The following GRIA2 variants were observed in gnomAD, a reference collection of about 807,000 sequenced individuals.
GRIA2 encodes glutamate receptor 2.
GRIA2 carries 14 observed loss-of-function variants against 97.3 expected under a neutral mutation model. The observed-to-expected ratio is 0.14, with a 90% CI of 0.10 to 0.23. The LOEUF (loss-of-function observed/expected upper bound fraction) is 0.23. Among genes scored for constraint, GRIA2 ranks in the 10% least tolerant of loss-of-function variants. The probability of loss-of-function intolerance (pLI) is 1.00; values close to 1 mark genes in which losing one functional copy is unlikely to be tolerated. For synonymous variants in GRIA2, 412 were observed against 387.8 expected (o/e 1.06, Z -0.73); for missense variants, 558 against 1,069.8 (o/e 0.52, Z 6.67).
chr4:157,362,490 G>A, intron 14 of GRIA2: 1 of 500,488 alleles, frequency 2.0e-6, no homozygotes, highest in Non-Finnish European at 3.9e-6. Context: ...CCACGGTAAT[G>A]GAATATAACT....
At chr4:157,251,725 A>G (rs1332820061) in intron 2 of GRIA2, among the ~76,000 whole-genome samples, 1 of 152,160 alleles carries the variant, frequency 6.6e-6, no homozygotes, top group Non-Finnish European at 1.5e-5. Flanking sequence ...AGACTACTAC[A>G]ATAAAATGTC....
Position 157,362,342 on chromosome 4 carries a change from T to C in GRIA2, c.2407-457T>C, listed in dbSNP as rs1209588653. ...ATGTGGTCAGTCCTCCATTTATGAC[T>C]CTACTAAGCCAGTAACATGGTCAAC... On this transcript the variant is annotated intron_variant, in intron 14 of 15. Coordinates refer to ENST00000264426, the MANE Select transcript of GRIA2 (RefSeq NM_001083619.3). 8.8e-6 allele frequency: 4 copies of C among 455,382 alleles called. No individual in the cohort carries two copies. The Admixed American group carries it at 9.4e-5, about 11-fold the overall frequency. The allele number at this position is 455,382 out of a possible 1,614,324, so 28.2% of individuals were successfully genotyped here.
intron 10 of GRIA2, among the ~76,000 whole-genome samples, chr4:157,336,100 G>A (rs1188273087): frequency 1.3e-5 from 2 of 152,008 alleles, no homozygotes; most frequent in African/African-American, 4.8e-5. Flanking sequence ...TGAAGCATAT[G>A]GGCCATATGT....
At chr4:157,234,012 G>A (rs1730135537) in intron 2 of GRIA2, among the ~76,000 whole-genome samples, 1 of 152,102 alleles carries the variant, frequency 6.6e-6, no homozygotes, top group Admixed American at 6.6e-5. Context: ...TGGCAACATA[G>A]CTAGTATATT....
At chr4:157,236,149 AC>A (rs1230688461) in intron 2 of GRIA2, among the ~76,000 whole-genome samples, 1 of 152,098 alleles carries the variant, frequency 6.6e-6, no homozygotes, top group Non-Finnish European at 1.5e-5. Context: ...GCATTTTGGT[AC>A]TATGGATGAT....
chr4:157,235,785 G>A (rs988550623), intron 2 of GRIA2, among the ~76,000 whole-genome samples: 1 of 151,672 alleles, frequency 6.6e-6, no homozygotes, highest in African/African-American at 2.4e-5. Context: ...AGTTTAAACT[G>A]GCATAGACTA....
chr4:157,350,886 G>T (rs758328074), intron 12 of GRIA2, among the ~76,000 whole-genome samples: 4 of 149,402 alleles, frequency 2.7e-5, no homozygotes, highest in Non-Finnish European at 4.4e-5. Context: ...GAAGCTACAT[G>T]CCAGATTTTG....
At chr4:157,303,510 A>G in intron 2 of GRIA2, 42 bp from the exon 3 acceptor site, 1 of 1,583,920 alleles carries the variant, frequency 6.3e-7, no homozygotes, top group Non-Finnish European at 8.7e-7. Context: ...ATTGTGTGCC[A>G]ATTTCAATGA....
intron 2 of GRIA2, among the ~76,000 whole-genome samples, chr4:157,268,915 G>A (rs1159123541): frequency 6.6e-6 from 1 of 152,038 alleles, no homozygotes; most frequent in East Asian, 1.9e-4. Flanking sequence ...TTTAGCAAAT[G>A]GTATGGGCAT....
chr4:157,237,474 C>G (rs533910495), intron 2 of GRIA2, among the ~76,000 whole-genome samples: 36 of 151,922 alleles, frequency 2.4e-4, no homozygotes, highest in Middle Eastern at 6.8e-3. Context: ...TAAAAATAGT[C>G]TGACTGTGTG....
Position 157,323,580 on chromosome 4 carries a change from T to A in GRIA2, c.882+1981T>A, listed in dbSNP as rs371274493. ...TGATGGAGTGGATGTTATCCTCAAATGGAACCAGCATGCTCCTTTCGAATA... is the reference window on the plus strand; with the variant it reads ...TGATGGAGTGGATGTTATCCTCAAAAGGAACCAGCATGCTCCTTTCGAATA... On this transcript the variant is annotated intron_variant, in intron 6 of 15. Coordinates refer to ENST00000264426, the MANE Select transcript of GRIA2 (RefSeq NM_001083619.3). 2.4e-4 allele frequency among the ~76,000 whole-genome samples: 37 copies of A among 152,156 alleles called. 1 individual carries two copies. Among genetic ancestry groups the A allele is most frequent in the East Asian group, 5.8e-4 (3 of 5,138 alleles).
In GRIA2 at chr4:157,364,432, C is replaced by G. The variant is rs1331814489; in HGVS notation, c.*1001C>G. The G allele has an allele frequency of 6.6e-6, 1 of 151,416 alleles. No individual in the cohort carries two copies. The highest frequency in any genetic ancestry group is 1.5e-5 in the Non-Finnish European group (1 of 67,782). 9.4% of individuals were successfully genotyped at this position (151,416 alleles called of 1,614,324 possible). On this transcript the variant is annotated 3_prime_UTR_variant, in exon 16 of 16. Transcript: ENST00000264426. ...TGATTTTTCAAATGTAATCTTGCCC[C>G]CAAAGTAATATCTGAATATCTTTTT... is the stretch of plus-strand genomic sequence containing the variant.
chr4:157,322,471 G>T (rs1277907249), intron 6 of GRIA2, among the ~76,000 whole-genome samples: 1 of 151,732 alleles, frequency 6.6e-6, no homozygotes, highest in Non-Finnish European at 1.5e-5. Flanking sequence ...GTTCTCCATG[G>T]GTTTGGACAC....
intron 2 of GRIA2, among the ~76,000 whole-genome samples, chr4:157,228,848 A>G (rs1470109077): frequency 1.2e-4 from 11 of 93,358 alleles, no homozygotes; most frequent in Admixed American, 4.0e-4. Flanking sequence ...TCCCCCCACC[A>G]AAAAAAAACC....
At chr4:157,329,486 T>TTTGGGAAATTAGTTAGTTTGGG (rs1734954167) in intron 6 of GRIA2, among the ~76,000 whole-genome samples, 7 of 151,974 alleles carry the variant, frequency 4.6e-5, no homozygotes, top group Admixed American at 4.6e-4. Context: ...TCAAAATTGG[T>TTTGGGAAATTAGTTAGTTTGGG]CATTAATTTG....
intron 2 of GRIA2, among the ~76,000 whole-genome samples, chr4:157,265,748 G>C (rs1731742423): frequency 6.6e-6 from 1 of 152,056 alleles, no homozygotes; most frequent in Non-Finnish European, 1.5e-5. Context: ...GATGAAGCTG[G>C]GAGAGGAAAT....
chr4:157,331,719 T>C (rs1366825707), intron 6 of GRIA2, among the ~76,000 whole-genome samples: 1 of 151,976 alleles, frequency 6.6e-6, no homozygotes, highest in Non-Finnish European at 1.5e-5. Context: ...TTATCTTTTT[T>C]CCATGACAAG....
chr4:157,260,722 T>C (rs577254102), intron 2 of GRIA2, among the ~76,000 whole-genome samples: 6 of 152,190 alleles, frequency 3.9e-5, no homozygotes, highest in Admixed American at 2.0e-4. Flanking sequence ...AAACTAGATA[T>C]TGAGGGATAA....
intron 2 of GRIA2, among the ~76,000 whole-genome samples, chr4:157,276,937 A>G (rs1241602209): frequency 1.3e-5 from 2 of 151,988 alleles, no homozygotes; most frequent in Non-Finnish European, 2.9e-5. Context: ...TCTGAAAAAG[A>G]AAGCACCAGG....
Sources: allele counts gnomAD v4.1 joint callset (sites outside exome capture counted in the v4.1 genomes callset), GRCh38; gene constraint gnomAD v4.1.1; transcripts MANE v1.5; gene names NCBI Gene and HGNC (gene_info 2026-07-23, HGNC 2026-07-21).